CAPN2: variants seen among roughly 807,000 people sequenced by gnomAD.
CAPN2 encodes the protein calpain-2 catalytic subunit.
A neutral mutation model predicts 102.3 loss-of-function variants in CAPN2; 92 were observed. The ratio of observed to expected loss-of-function variants is 0.90; its 90% CI spans 0.76 to 1.07. CAPN2 has a LOEUF of 1.07. Ranked by LOEUF, CAPN2 falls within the 50% of genes least tolerant of loss-of-function variation. The pLI, the probability that CAPN2 is intolerant of heterozygous loss-of-function variation, is 0.00. For synonymous variants in CAPN2, 340 were observed against 355.4 expected (o/e 0.96, Z 0.49); for missense variants, 800 against 909.4 (o/e 0.88, Z 1.55).
At chr1:223,742,729 G>A (rs1489690769) in intron 2 of CAPN2, among the ~76,000 whole-genome samples, 1 of 151,850 alleles carries the variant, frequency 6.6e-6, no homozygotes, top group Admixed American at 6.6e-5. Flanking sequence ...CCATGTTGCC[G>A]AGGCCAGTGT....
Position 223,755,702 on chromosome 1 carries a change from C to A in CAPN2, c.1305+53C>A. 2.7e-6 allele frequency: 4 copies of A among 1,474,978 alleles called. No individual in the cohort carries two copies. Among genetic ancestry groups the A allele is most frequent in the Non-Finnish European group, 2.7e-6 (3 of 1,105,258 alleles). 91.4% of individuals were successfully genotyped at this position (1,474,978 alleles called of 1,614,324 possible). A position where few individuals can be genotyped will look rare whatever the true frequency, so the allele number is the denominator to read the frequency against. On this transcript the variant is annotated intron_variant, in intron 10 of 20. Transcript: ENST00000295006. This position sits in a 1 kb window ranked among gnomAD's most constrained non-coding sequence, Gnocchi z 4.1. The stretch of plus-strand genomic sequence containing the variant: ...CCTTCCCCATGTGTTCATCTCAGCC[C>A]CTGCATGGAAAGCTGACCCCAGAGG...
chr1:223,754,824 C>T lies in CAPN2; in HGVS notation c.1136-656C>T, dbSNP rs1441507446. ...CCGGGCTCACCGAGGGGGCGGCGAC[C>T]GGCAAGTGCAGGGAGCAGATCCCGG... On this transcript the variant is annotated intron_variant, in intron 9 of 20. Transcript: ENST00000295006. This position sits in a 1 kb window ranked among gnomAD's most constrained non-coding sequence, Gnocchi z 4.7. Among the ~76,000 whole-genome samples the T allele has an allele frequency of 2.6e-5, 4 of 152,100 alleles. No individual in the cohort carries two copies. Among genetic ancestry groups the T allele is most frequent in the Admixed American group, 6.5e-5 (1 of 15,278 alleles).
intron 11 of CAPN2, chr1:223,758,989 C>G (rs549005929): frequency 3.8e-5 from 17 of 442,208 alleles, no homozygotes; most frequent in Non-Finnish European, 5.9e-5. Flanking sequence ...CCACACCTAA[C>G]AAAAGTTTGC....
chr1:223,737,978 C>T (rs1211803193), intron 2 of CAPN2, among the ~76,000 whole-genome samples: 1 of 152,042 alleles, frequency 6.6e-6, no homozygotes, highest in Non-Finnish European at 1.5e-5. Flanking sequence ...ATTTATTTAT[C>T]TATATCCTCA....
intron 5 of CAPN2, among the ~76,000 whole-genome samples, chr1:223,748,727 G>T (rs1217650929): frequency 6.6e-6 from 1 of 151,238 alleles, no homozygotes; most frequent in African/African-American, 2.5e-5. Context: ...TCTCTCGGCC[G>T]TGCGCCCTTT....
rs960690173 is a variant in CAPN2, at chr1:223,754,089, C to T, written c.1135+1133C>T. Among the ~76,000 whole-genome samples, 6 of 152,306 alleles carry T rather than the reference C, an allele frequency of 3.9e-5. No homozygotes were observed. In the East Asian group the frequency reaches 9.6e-4, roughly 24 times the overall value. ...TAGTGACTTGCTGAAGGCCACAGAG[C>T]GTGCTGGGATTTGAACCCAGGCCCC... On this transcript the variant is annotated intron_variant, in intron 9 of 20. Transcript: ENST00000295006. This position sits in a 1 kb window ranked among gnomAD's most constrained non-coding sequence, Gnocchi z 4.7.
At chr1:223,761,690 A>C in intron 13 of CAPN2, 73 bp downstream of exon 13, 1 of 1,294,102 alleles carries the variant, frequency 7.7e-7, no homozygotes, top group Non-Finnish European at 1.1e-6. Context: ...AAAAAACTCC[A>C]AGAGTTTTTG....
chr1:223,739,940 A>C (rs1212500781), intron 2 of CAPN2, among the ~76,000 whole-genome samples: 2 of 152,234 alleles, frequency 1.3e-5, no homozygotes, highest in Non-Finnish European at 1.5e-5. Context: ...TAACAGCTCT[A>C]AACAGGCTTT....
rs1453303399 is a variant in CAPN2, at chr1:223,747,003, C to T, written c.567C>T (p.Asn189=). 9 of 1,612,958 alleles carry T rather than the reference C, an allele frequency of 5.6e-6. No homozygotes were observed. Among genetic ancestry groups the T allele is most frequent in the African/African-American group, 5.3e-5 (4 of 74,874 alleles). Residue 189 remains asparagine, a synonymous_variant, in exon 5 of 21, where the codon AAC becomes AAT. Coordinates refer to ENST00000295006, the MANE Select transcript of CAPN2 (RefSeq NM_001748.5). ...ALLEKAYAKI[N]GCYEALSGGA... ...GTCTAATCCCCTCTTGTAGGATCAA[C>T]GGATGCTATGAAGCGCTATCAGGGG...
At chr1:223,762,444 C>T (rs1225150734) in intron 14 of CAPN2, among the ~76,000 whole-genome samples, 193 bp downstream of exon 14, 1 of 152,142 alleles carries the variant, frequency 6.6e-6, no homozygotes, top group African/African-American at 2.4e-5. Flanking sequence ...CGCATGCTGC[C>T]GGGGGCTTCC....
chr1:223,744,233 G>A lies in CAPN2; in HGVS notation c.426+15G>A. On this transcript the variant is annotated intron_variant, in intron 3 of 20. Coordinates refer to ENST00000295006, the MANE Select transcript of CAPN2 (RefSeq NM_001748.5). ...TTCACTTCCAGGTAACTTAATGGTTGGCTCAGGTGGTTCCTCAACAGGTCC... is the reference window on the plus strand; with the variant it reads ...TTCACTTCCAGGTAACTTAATGGTTAGCTCAGGTGGTTCCTCAACAGGTCC... 1 of 1,547,084 alleles carries A rather than the reference G, an allele frequency of 6.5e-7. No individual in the cohort carries two copies. The highest frequency in any genetic ancestry group is 8.9e-7 in the Non-Finnish European group (1 of 1,118,764).
chr1:223,771,670 A>C, intron 18 of CAPN2, 139 bp from the exon 19 acceptor site: 1 of 683,660 alleles, frequency 1.5e-6, no homozygotes. Context: ...AAATCAAACC[A>C]GTCTCACAGA....
At position 223,727,969 on chromosome 1, in the gene CAPN2, G is replaced by C. The variant is rs1660241743; in HGVS notation, c.307+10138G>C. ...TTGGGAACTGCAGAGCAGCTGGGTG[G>C]CCTGACACTGGCATTTCTCAGTGTT... is the stretch of plus-strand genomic sequence containing the variant. On this transcript the variant is annotated intron_variant, in intron 2 of 20. Transcript: ENST00000295006. The surrounding 1 kb of genome is among the most constrained non-coding windows in gnomAD (Gnocchi z 4.1). Among the ~76,000 whole-genome samples, 1 of 152,148 alleles carries C rather than the reference G, an allele frequency of 6.6e-6. No individual in the cohort carries two copies. Among genetic ancestry groups the C allele is most frequent in the African/African-American group, 2.4e-5 (1 of 41,410 alleles).
chr1:223,709,980 A>ACCTGTATAT (rs1659696393), upstream of CAPN2, among the ~76,000 whole-genome samples: 1 of 152,236 alleles, frequency 6.6e-6, no homozygotes, highest in South Asian at 2.1e-4. Flanking sequence ...AAATAACTCA[A>ACCTGTATAT]AAACAATGAA....
Position 223,755,240 on chromosome 1 carries a change from C to G in CAPN2, c.1136-240C>G, listed in dbSNP as rs1046842723. On this transcript the variant is annotated intron_variant, in intron 9 of 20. Transcript: ENST00000295006. The surrounding 1 kb of genome is among the most constrained non-coding windows in gnomAD (Gnocchi z 4.1). ...TGTCTCCCACAGCCTCCCACCGCCT[C>G]TTGCCAACTCCCACCATCTCCCGCC... 6.6e-6 allele frequency among the ~76,000 whole-genome samples: 1 copy of G among 152,032 alleles called. No homozygotes were observed. The highest frequency in any genetic ancestry group is 2.4e-5 in the African/African-American group (1 of 41,394).
intron 1 of CAPN2, among the ~76,000 whole-genome samples, chr1:223,702,128 A>AGGAC (rs1412375577): frequency 7.1e-6 from 1 of 141,536 alleles, no homozygotes; most frequent in Non-Finnish European, 1.6e-5. Context: ...GAAGGAAGGA[A>AGGAC]GGAAGGAAAG....
At chr1:223,714,001 G>A (rs1659808077) in intron 1 of CAPN2, among the ~76,000 whole-genome samples, 1 of 152,126 alleles carries the variant, frequency 6.6e-6, no homozygotes. Flanking sequence ...TCAAAGAGCC[G>A]GTTCTTTCCT....
intron 1 of CAPN2, among the ~76,000 whole-genome samples, chr1:223,713,303 A>C (rs537519851): frequency 2.0e-5 from 3 of 152,152 alleles, no homozygotes; most frequent in African/African-American, 7.2e-5. Context: ...TCCGTCTCCA[A>C]CTGGGGTTCT....
At chr1:223,716,073 G>A (rs963594485) in intron 1 of CAPN2, among the ~76,000 whole-genome samples, 1 of 152,150 alleles carries the variant, frequency 6.6e-6, no homozygotes, top group African/African-American at 2.4e-5. Flanking sequence ...TCAAACCTAG[G>A]TTATCAGAAT....
Sources: allele counts gnomAD v4.1 joint callset (sites outside exome capture counted in the v4.1 genomes callset), GRCh38; gene constraint gnomAD v4.1.1; non-coding constraint Gnocchi (gnomAD v3.1); transcripts MANE v1.5; gene names NCBI Gene and HGNC (gene_info 2026-07-23, HGNC 2026-07-21).